RFC3: variants seen among roughly 807,000 people sequenced by gnomAD.
The protein encoded by RFC3 is A1 38 kDa subunit.
In RFC3, 41 loss-of-function variants were observed where a neutral mutation model predicts 45.1. That is an observed-to-expected ratio of 0.91 (90% CI 0.71 to 1.18). The LOEUF (loss-of-function observed/expected upper bound fraction) is 1.18, where lower values mean the gene tolerates loss of function less well. Ranked by LOEUF, RFC3 falls within the 50% of genes most tolerant of loss-of-function variation. The pLI, the probability that RFC3 is intolerant of heterozygous loss-of-function variation, is 0.00. For missense variants in RFC3, 423 were observed against 428.1 expected, an observed-to-expected ratio of 0.99 and a Z score of 0.10; for synonymous variants, 149 against 144.0, an observed-to-expected ratio of 1.03 and a Z score of -0.25.
intron 8 of RFC3, among the ~76,000 whole-genome samples, chr13:33,855,986 G>A (rs1427449476): frequency 6.6e-6 from 1 of 152,150 alleles, no homozygotes; most frequent in Admixed American, 6.5e-5. Context: ...GATCTCATTT[G>A]TCAGTTTTTG....
At chr13:33,975,357 G>A in the RFC3 span, among the ~76,000 whole-genome samples, 2 of 152,100 alleles carry the variant, frequency 1.3e-5, no homozygotes, top group African/African-American at 2.4e-5. Context: ...GATAGTAAAC[G>A]GATGAGTGGT....
At chr13:33,820,091 C>T (rs2081988032) in intron 1 of RFC3, among the ~76,000 whole-genome samples, 1 of 152,208 alleles carries the variant, frequency 6.6e-6, no homozygotes, top group African/African-American at 2.4e-5. Context: ...CTTCACCTTA[C>T]AAGACTTTAT....
At chr13:33,973,536 G>A in the RFC3 span, among the ~76,000 whole-genome samples, 5 of 152,198 alleles carry the variant, frequency 3.3e-5, no homozygotes, top group Middle Eastern at 3.4e-3. Flanking sequence ...GAAAGGAAGG[G>A]TGAAGACTGC....
chr13:33,865,070 A>G lies in RFC3; in HGVS notation c.879+29853A>G, dbSNP rs1388321241. Among the ~76,000 whole-genome samples the G allele has an allele frequency of 2.6e-5, 4 of 152,356 alleles. No homozygotes were observed. In the South Asian group the frequency reaches 8.3e-4, roughly 32 times the overall value. On this transcript the variant is annotated intron_variant, in intron 8 of 8. Coordinates refer to the RFC3 transcript ENST00000434425. ...GTGAGGAACAGTCAGAAACTGGACA[A>G]AGATGCAAAATTAGAAGAATGAAGA... is the stretch of plus-strand genomic sequence containing the variant.
intron 8 of RFC3, among the ~76,000 whole-genome samples, chr13:33,854,759 C>T (rs186703844): frequency 1.1e-4 from 17 of 152,192 alleles, no homozygotes; most frequent in African/African-American, 2.9e-4. Flanking sequence ...TCTGGGTATG[C>T]TTGATGGGAA....
At chr13:33,894,952 C>T (rs549196501) in intron 8 of RFC3, among the ~76,000 whole-genome samples, 16 of 152,048 alleles carry the variant, frequency 1.1e-4, no homozygotes, top group Non-Finnish European at 1.8e-4. Flanking sequence ...ATAATTCACA[C>T]GTAGAAGAAT....
chr13:33,853,258 T>A (rs896387048), intron 8 of RFC3, among the ~76,000 whole-genome samples: 1 of 152,184 alleles, frequency 6.6e-6, no homozygotes, highest in African/African-American at 2.4e-5. Context: ...TACATTAATA[T>A]CTTAAGTTCT....
At chr13:33,905,623 A>G (rs17080125) in intron 8 of RFC3, among the ~76,000 whole-genome samples, 10,263 of 152,070 alleles carry the variant, frequency 0.067, 543 homozygotes, top group African/African-American at 0.15. Flanking sequence ...CTTCCCCTAT[A>G]ATAGTCAATG....
At chr13:33,924,705 ATG>A (rs34618705) in intron 8 of RFC3, among the ~76,000 whole-genome samples, 3,923 of 139,664 alleles carry the variant, frequency 0.028, 173 homozygotes, top group African/African-American at 0.092. Context: ...CATTGTGTGT[ATG>A]TGTGTGTGTG....
chr13:33,861,658 A>C (rs938015631), intron 8 of RFC3, among the ~76,000 whole-genome samples: 32 of 152,000 alleles, frequency 2.1e-4, no homozygotes, highest in Non-Finnish European at 4.0e-4. Context: ...AAAAAAAAAA[A>C]AACGGAAAAA....
chr13:33,818,234 A>C lies in RFC3; in HGVS notation c.56A>C (p.His19Pro), dbSNP rs570937436. 4 of 1,613,620 alleles carry C rather than the reference A, an allele frequency of 2.5e-6. No homozygotes were observed. The highest frequency in any genetic ancestry group is 1.3e-5 in the African/African-American group (1 of 75,060). Residue 19 changes from histidine (H) to proline (P), a missense_variant, in exon 1 of 9, where the codon CAC (histidine) becomes CCC (proline). His to Pro is a moderately conservative substitution (Grantham distance 77). Transcript: ENST00000380071. Reference protein sequence around the residue: ...RPCSLGRLDYHKEQAAQLRNL... With the variant: ...RPCSLGRLDYPKEQAAQLRNL... Reference sequence around the variant, plus strand: ...TGCTCCTTGGGACGGCTGGACTATCACAAGGAGCAGGCGGCCCAGCTGCGG... The same window carrying C: ...TGCTCCTTGGGACGGCTGGACTATCCCAAGGAGCAGGCGGCCCAGCTGCGG...
At chr13:33,835,715 T>C (rs1337377252) in intron 8 of RFC3, among the ~76,000 whole-genome samples, 1 of 152,176 alleles carries the variant, frequency 6.6e-6, no homozygotes, top group Non-Finnish European at 1.5e-5. Context: ...CTTCGTTCTG[T>C]TAATGGATGA....
chr13:33,861,593 C>T (rs904186228), intron 8 of RFC3, among the ~76,000 whole-genome samples: 1 of 149,218 alleles, frequency 6.7e-6, no homozygotes, highest in Non-Finnish European at 1.5e-5. Context: ...TGCAGGGAGC[C>T]GAGATCATGC....
chr13:33,950,202 T>G (rs2082980922), intron 8 of RFC3, among the ~76,000 whole-genome samples: 1 of 152,132 alleles, frequency 6.6e-6, no homozygotes, highest in Non-Finnish European at 1.5e-5. Context: ...TGAGTTTAGA[T>G]TTGATAAAAT....
intron 3 of RFC3, 76 bp from the exon 4 acceptor site, chr13:33,825,713 C>A: frequency 1.3e-6 from 1 of 751,388 alleles, no homozygotes; most frequent in Non-Finnish European, 2.0e-6. Flanking sequence ...ATTTTGACCA[C>A]TTAAGAACTT....
At chr13:33,905,099 C>G (rs142746332) in intron 8 of RFC3, among the ~76,000 whole-genome samples, 1 of 151,886 alleles carries the variant, frequency 6.6e-6, no homozygotes, top group South Asian at 2.1e-4. Flanking sequence ...ACTGGGTATA[C>G]GAGTGCATGT....
At chr13:33,820,992 TA>T in intron 1 of RFC3, 139 bp from the exon 2 acceptor site, 1 of 557,914 alleles carries the variant, frequency 1.8e-6, no homozygotes, top group Non-Finnish European at 3.0e-6. Context: ...TACACATATA[TA>T]AAAAATTGGG....
chr13:33,898,825 G>C (rs1593676372), intron 8 of RFC3, among the ~76,000 whole-genome samples: 1 of 151,650 alleles, frequency 6.6e-6, no homozygotes. Context: ...TAAAAACTGA[G>C]ACCTCAGAAA....
intron 8 of RFC3, among the ~76,000 whole-genome samples, chr13:33,881,058 A>G (rs1187475191): frequency 6.6e-6 from 1 of 152,170 alleles, no homozygotes; most frequent in Non-Finnish European, 1.5e-5. Flanking sequence ...TCAGTCTCAA[A>G]AACAAACAAA....
Sources: allele counts gnomAD v4.1 joint callset (sites outside exome capture counted in the v4.1 genomes callset), GRCh38; gene constraint gnomAD v4.1.1; transcripts MANE v1.5; gene names NCBI Gene and HGNC (gene_info 2026-07-23, HGNC 2026-07-21).